Variants in RYR2 observed in about 807,000 individuals in gnomAD.
RYR2 encodes the protein ryanodine receptor 2, also known as cardiac muscle ryanodine receptor-calcium release channel.
A neutral mutation model predicts 601.1 loss-of-function variants in RYR2; 227 were observed. That is an observed-to-expected ratio of 0.38 (90% CI 0.34 to 0.42). RYR2 has a LOEUF of 0.42. Ranked by LOEUF, RYR2 falls within the 10% of genes least tolerant of loss-of-function variation. The pLI, the probability that RYR2 is intolerant of heterozygous loss-of-function variation, is 1.00. For missense variants in RYR2, 4,646 were observed against 6,156.5 expected, an observed-to-expected ratio of 0.75 and a Z score of 8.21; for synonymous variants, 2,223 against 2,175.1, an observed-to-expected ratio of 1.02 and a Z score of -0.61.
intron 8 of RYR2, among the ~76,000 whole-genome samples, chr1:237,385,500 T>A (rs567512423): frequency 2.0e-5 from 3 of 152,218 alleles, no homozygotes; most frequent in African/African-American, 7.2e-5. Flanking sequence ...GGGTGGAGAA[T>A]GTGTACTATT....
At chr1:237,482,389 A>G (rs965156185) in intron 17 of RYR2, among the ~76,000 whole-genome samples, 5 of 151,806 alleles carry the variant, frequency 3.3e-5, no homozygotes, top group African/African-American at 1.2e-4. Flanking sequence ...CTATCCTTCT[A>G]CTTCCTGTGT....
At chr1:237,278,945 TTTGGGTTATTC>T (rs1690574346) in intron 2 of RYR2, among the ~76,000 whole-genome samples, 1 of 152,218 alleles carries the variant, frequency 6.6e-6, no homozygotes, top group Non-Finnish European at 1.5e-5. Context: ...TTTGATAATA[TTTGGGTTATTC>T]TAGGGTTTTA....
intron 16 of RYR2, among the ~76,000 whole-genome samples, chr1:237,465,088 ATG>A (rs1449341378): frequency 2.2e-5 from 2 of 89,762 alleles, no homozygotes; most frequent in African/African-American, 6.9e-5. Context: ...ATACACACAC[ATG>A]CACACACACA....
intron 1 of RYR2, among the ~76,000 whole-genome samples, chr1:237,110,200 C>T (rs976289560): frequency 2.0e-5 from 3 of 152,084 alleles, no homozygotes; most frequent in Non-Finnish European, 4.4e-5. Flanking sequence ...TGTTAAAACG[C>T]AGATTGCTGG....
chr1:237,548,696 G>A, intron 26 of RYR2, 106 bp downstream of exon 26: 3 of 1,353,638 alleles, frequency 2.2e-6, no homozygotes, highest in Non-Finnish European at 3.0e-6. Context: ...GTATCATATA[G>A]ATCACATATA....
At chr1:237,169,570 G>T (rs1039715387) in intron 1 of RYR2, among the ~76,000 whole-genome samples, 16 of 152,168 alleles carry the variant, frequency 1.1e-4, no homozygotes, top group Admixed American at 8.5e-4. Context: ...GTGCTGGGAT[G>T]TGAGCCACCG....
At chr1:237,371,844 C>T (rs139326831) in intron 6 of RYR2, among the ~76,000 whole-genome samples, 2,431 of 152,170 alleles carry the variant, frequency 0.016, 65 homozygotes, top group African/African-American at 0.055. Context: ...GGGAATTGAA[C>T]AGTGAGAACA....
At chr1:237,677,826 A>G (rs1685535729) in intron 60 of RYR2, among the ~76,000 whole-genome samples, 1 of 152,156 alleles carries the variant, frequency 6.6e-6, no homozygotes, top group African/African-American at 2.4e-5. Context: ...AACCACAACT[A>G]TGGGCTGTCC....
At chr1:237,172,243 G>T (rs1309638281) in intron 1 of RYR2, among the ~76,000 whole-genome samples, 1 of 152,192 alleles carries the variant, frequency 6.6e-6, no homozygotes, top group Admixed American at 6.5e-5. Context: ...TTTGAATGTT[G>T]TTTGCTGTTG....
At chr1:237,795,909 C>T (rs1046821138) in intron 96 of RYR2, among the ~76,000 whole-genome samples, 1 of 86,514 alleles carries the variant, frequency 1.2e-5, no homozygotes, top group Non-Finnish European at 2.6e-5. Flanking sequence ...TGGATACACA[C>T]ACATATGCAC....
intron 10 of RYR2, among the ~76,000 whole-genome samples, chr1:237,389,119 G>A (rs188357387): frequency 1.3e-5 from 2 of 152,224 alleles, no homozygotes; most frequent in South Asian, 2.1e-4. Flanking sequence ...GAAACATTCC[G>A]TAAGCTAAAA....
At chr1:237,666,375 A>AT in intron 56 of RYR2, 137 bp from the exon 57 acceptor site, 1 of 703,168 alleles carries the variant, frequency 1.4e-6, no homozygotes, top group Non-Finnish European at 2.5e-6. Flanking sequence ...TTACAACATC[A>AT]TTTTGTATAG....
At chr1:237,488,501 G>A (rs1014007680) in intron 17 of RYR2, among the ~76,000 whole-genome samples, 3 of 152,120 alleles carry the variant, frequency 2.0e-5, no homozygotes, top group Admixed American at 2.0e-4. Context: ...TCCCCAAGGG[G>A]AACATCTCCT....
intron 24 of RYR2, among the ~76,000 whole-genome samples, chr1:237,515,963 C>T (rs961167790): frequency 7.1e-6 from 1 of 141,628 alleles, no homozygotes; most frequent in East Asian, 2.2e-4. Context: ...TTCTCCTTCT[C>T]GCTCTTCTCC....
At chr1:237,779,976 T>A (rs990649246) in intron 88 of RYR2, among the ~76,000 whole-genome samples, 2 of 152,124 alleles carry the variant, frequency 1.3e-5, no homozygotes, top group African/African-American at 4.8e-5. Flanking sequence ...TTGTCAAAGT[T>A]AGTTAGTTAG....
intron 58 of RYR2, among the ~76,000 whole-genome samples, chr1:237,668,936 CA>C (rs2148882932): frequency 6.6e-6 from 1 of 151,622 alleles, no homozygotes; most frequent in African/African-American, 2.4e-5. Flanking sequence ...GGGGATTTGG[CA>C]GGGTCATAGG....
rs1188259392 is a variant in RYR2 at position 237,106,090 on chromosome 1, G to A, written c.48+63521G>A. ...GCGGGTGTGGGCCGGGCAGGTGGAG[G>A]AGGCCTTGAGGGCTGTTGAGAGGAC... On this transcript the variant is annotated intron_variant, in intron 1 of 104. Coordinates refer to ENST00000366574, the MANE Select transcript of RYR2 (RefSeq NM_001035.3). This position sits in a 1 kb window ranked among gnomAD's most constrained non-coding sequence, Gnocchi z 4.4. 6.6e-6 allele frequency among the ~76,000 whole-genome samples: 1 copy of A among 152,152 alleles called. No individual in the cohort carries two copies. The highest frequency in any genetic ancestry group is 2.4e-5 in the African/African-American group (1 of 41,444).
chr1:237,067,982 A>G (rs1310663768), intron 1 of RYR2, among the ~76,000 whole-genome samples: 2 of 151,988 alleles, frequency 1.3e-5, no homozygotes, highest in African/African-American at 4.8e-5. Flanking sequence ...CCCTACACTT[A>G]AATCACTAGC....
chr1:237,639,782 T>G (rs973703646), intron 46 of RYR2, among the ~76,000 whole-genome samples: 3 of 152,166 alleles, frequency 2.0e-5, no homozygotes, highest in Admixed American at 6.5e-5. Flanking sequence ...GATGCTTATC[T>G]GTGTAGGTGA....
Sources: allele counts gnomAD v4.1 joint callset (sites outside exome capture counted in the v4.1 genomes callset), GRCh38; gene constraint gnomAD v4.1.1; non-coding constraint Gnocchi (gnomAD v3.1); transcripts MANE v1.5; gene names NCBI Gene and HGNC (gene_info 2026-07-23, HGNC 2026-07-21).